ATL3: variants seen among roughly 807,000 people sequenced by gnomAD.
ATL3 encodes atlastin-3.
Under a neutral mutation model 69.5 loss-of-function variants are expected in ATL3, and 49 were observed. That is an observed-to-expected ratio of 0.71 (90% CI 0.56 to 0.89). ATL3 has a LOEUF of 0.89. ATL3 is among the 40% of genes least tolerant of loss of function. The probability of loss-of-function intolerance (pLI) is 0.00; values close to 1 mark genes in which losing one functional copy is unlikely to be tolerated. For synonymous variants in ATL3, 214 were observed against 224.1 expected (o/e 0.95, Z 0.40); for missense variants, 606 against 645.7 (o/e 0.94, Z 0.67).
At chr11:63,637,538 G>C (rs1939561386) in intron 8 of ATL3, 1 of 152,114 alleles carries the variant, frequency 6.6e-6, no homozygotes. Flanking sequence ...ACTCAAGAAA[G>C]GTGACAGATT....
chr11:63,653,081 C>T (rs1590736885), intron 3 of ATL3, among the ~76,000 whole-genome samples: 1 of 152,098 alleles, frequency 6.6e-6, no homozygotes, highest in Non-Finnish European at 1.5e-5. Flanking sequence ...AATCCCAGCA[C>T]TTCGGGAGGG....
intron 8 of ATL3, among the ~76,000 whole-genome samples, chr11:63,639,830 A>G (rs193153892): frequency 3.2e-4 from 49 of 152,322 alleles, no homozygotes; most frequent in Non-Finnish European, 3.4e-4. Flanking sequence ...TTTTAAATAA[A>G]TAGGATCATA....
At chr11:63,662,287 A>G (rs1337778229) in intron 1 of ATL3, among the ~76,000 whole-genome samples, 1 of 152,162 alleles carries the variant, frequency 6.6e-6, no homozygotes, top group African/African-American at 2.4e-5. Context: ...GGAAGTTCAC[A>G]AAAAACTACC....
At chr11:63,630,251 A>T (rs1224576642) in intron 12 of ATL3, among the ~76,000 whole-genome samples, 1 of 135,342 alleles carries the variant, frequency 7.4e-6, no homozygotes, top group Non-Finnish European at 1.6e-5. Flanking sequence ...TGTCTCTACT[A>T]AAAAAAAAAA....
intron 4 of ATL3, 68 bp downstream of exon 4, chr11:63,652,403 C>G (rs1940104912): frequency 2.0e-6 from 2 of 1,021,942 alleles, no homozygotes; most frequent in Non-Finnish European, 2.8e-6. Context: ...GAACAATAAC[C>G]AAAACTGTAT....
intron 5 of ATL3, among the ~76,000 whole-genome samples, chr11:63,647,001 G>A (rs923909892): frequency 4.6e-5 from 7 of 151,970 alleles, no homozygotes; most frequent in Admixed American, 3.9e-4. Context: ...TCAAATACAC[G>A]GGGCACACCG....
intron 1 of ATL3, among the ~76,000 whole-genome samples, chr11:63,668,439 G>C (rs1410568502): frequency 6.6e-6 from 1 of 152,186 alleles, no homozygotes; most frequent in Non-Finnish European, 1.5e-5. Context: ...ATACGCTTAA[G>C]GCTGTTTCAG....
At chr11:63,649,366 G>A (rs542571026) in intron 5 of ATL3, among the ~76,000 whole-genome samples, 10 of 151,954 alleles carry the variant, frequency 6.6e-5, no homozygotes, top group African/African-American at 2.4e-4. Context: ...GGCTGTTCTC[G>A]AACTCCTGAC....
chr11:63,671,147 C>G lies in ATL3; in HGVS notation c.46+143G>C, dbSNP rs994413995. 2.9e-6 allele frequency: 4 copies of G among 1,382,666 alleles called. No individual in the cohort carries two copies. The Admixed American group carries it at 1.4e-4, about 47-fold the overall frequency. The allele number at this position is 1,382,666 out of a possible 1,614,324, so 85.6% of individuals were successfully genotyped here. A position where few individuals can be genotyped will look rare whatever the true frequency, so the allele number is the denominator to read the frequency against. On this transcript the variant is annotated intron_variant, in intron 1 of 12. Coordinates refer to ENST00000398868, the MANE Select transcript of ATL3 (RefSeq NM_015459.5). ...GGCCCCCCCACCACAAATTCGGAAACCGAGTGACCCCGGCGAGGGACGCGC... is the reference window on the plus strand; with the variant it reads ...GGCCCCCCCACCACAAATTCGGAAAGCGAGTGACCCCGGCGAGGGACGCGC...
At chr11:63,654,248 G>A (rs915624275) in intron 3 of ATL3, among the ~76,000 whole-genome samples, 2 of 150,694 alleles carry the variant, frequency 1.3e-5, no homozygotes, top group African/African-American at 2.4e-5. Flanking sequence ...CCAGGTTCAC[G>A]CCATTCTCCT....
chr11:63,671,468 G>A (rs1940779896), upstream of ATL3: 18 of 1,474,132 alleles, frequency 1.2e-5, no homozygotes, highest in Non-Finnish European at 1.4e-5. Flanking sequence ...CAGAAGGTGG[G>A]GCACGCGGAG....
At chr11:63,646,612 G>A (rs371360932) in intron 5 of ATL3, 49 bp from the exon 6 acceptor site, 29 of 1,276,134 alleles carry the variant, frequency 2.3e-5, no homozygotes, top group Non-Finnish European at 3.2e-5. Flanking sequence ...ACTTAAAATA[G>A]TTCTATGGCC....
chr11:63,625,668 C>CTTTA lies in ATL3; in HGVS notation c.*3647_*3650dup, dbSNP rs945593035. 6.6e-6 allele frequency: 1 copy of CTTTA among 152,222 alleles called. No individual in the cohort carries two copies. The highest frequency in any genetic ancestry group is 2.4e-5 in the African/African-American group (1 of 41,436). The allele number at this position is 152,222 out of a possible 1,614,324, so 9.4% of individuals were successfully genotyped here. A position where few individuals can be genotyped will look rare whatever the true frequency, so the allele number is the denominator to read the frequency against. ...TATTTTTGTGTGTTTGACCAAAGCG[C>CTTTA]TTTACTTCATGTAAGAGAAAAAATA... On this transcript the variant is annotated 3_prime_UTR_variant, in exon 13 of 13. Coordinates refer to ENST00000398868, the MANE Select transcript of ATL3 (RefSeq NM_015459.5).
Position 63,632,793 on chromosome 11 carries a change from T to C in ATL3, c.1107+233A>G, listed in dbSNP as rs1256137121. ...GAATTTATTACTCCCATTGAAACTA[T>C]GTACTTACCAATAAACTATTTGCTA... On this transcript the variant is annotated intron_variant, in intron 11 of 12. Coordinates refer to ENST00000398868, the MANE Select transcript of ATL3 (RefSeq NM_015459.5). 18 of 779,254 alleles carry C rather than the reference T, an allele frequency of 2.3e-5. No homozygotes were observed. In the South Asian group the frequency reaches 2.3e-4, roughly 10 times the overall value. 48.3% of individuals were successfully genotyped at this position (779,254 alleles called of 1,614,324 possible).
intron 1 of ATL3, among the ~76,000 whole-genome samples, chr11:63,664,754 T>C (rs532059490): frequency 6.6e-6 from 1 of 150,998 alleles, no homozygotes; most frequent in Non-Finnish European, 1.5e-5. Context: ...ACCACAGGCA[T>C]GCACCTCCAT....
rs182707285 is a variant in ATL3 at position 63,664,171 on chromosome 11, A to G, written c.47-4919T>C. 6.2e-3 allele frequency among the ~76,000 whole-genome samples: 944 copies of G among 152,328 alleles called. 4 individuals carry two copies. The highest frequency in any genetic ancestry group is 0.021 in the African/African-American group (881 of 41,574). On this transcript the variant is annotated intron_variant, in intron 1 of 12. Coordinates refer to ENST00000398868, the MANE Select transcript of ATL3 (RefSeq NM_015459.5). ...TACAGCCAAGCCTAGCAGCCAACAC[A>G]ACAGTCTTCCAGGACTTTACAATTA...
chr11:63,652,205 C>G (rs1306707821), intron 4 of ATL3, among the ~76,000 whole-genome samples: 1 of 152,116 alleles, frequency 6.6e-6, no homozygotes, highest in Non-Finnish European at 1.5e-5. Flanking sequence ...TTCCTAAGCT[C>G]TTATCAAATC....
At chr11:63,630,200 G>A (rs1347681634) in intron 12 of ATL3, among the ~76,000 whole-genome samples, 4 of 150,424 alleles carry the variant, frequency 2.7e-5, no homozygotes, top group African/African-American at 7.3e-5. Context: ...ATCACCTGAG[G>A]TCAGGAGTTC....
chr11:63,663,922 G>C (rs1180685388), intron 1 of ATL3, among the ~76,000 whole-genome samples: 3 of 152,208 alleles, frequency 2.0e-5, no homozygotes, highest in African/African-American at 7.2e-5. Flanking sequence ...GGAAATAACA[G>C]ACACAACTTC....
Sources: allele counts gnomAD v4.1 joint callset (sites outside exome capture counted in the v4.1 genomes callset), GRCh38; gene constraint gnomAD v4.1.1; transcripts MANE v1.5; gene names NCBI Gene and HGNC (gene_info 2026-07-23, HGNC 2026-07-21).